Variants in DGKH observed in about 807,000 individuals in gnomAD.
DGKH encodes the protein diacylglycerol kinase eta.
Under a neutral mutation model 159.3 loss-of-function variants are expected in DGKH, and 90 were observed. That is an observed-to-expected ratio of 0.57 (90% CI 0.48 to 0.67). The LOEUF is 0.67. Among genes scored for constraint, DGKH ranks in the 30% least tolerant of loss-of-function variants. The pLI, the probability that DGKH is intolerant of heterozygous loss-of-function variation, is 0.00. For synonymous variants in DGKH, 536 were observed against 553.8 expected (o/e 0.97, Z 0.45); for missense variants, 1,181 against 1,506.1 (o/e 0.78, Z 3.57).
At chr13:42,222,556 C>A (rs1958006581) in intron 29 of DGKH, among the ~76,000 whole-genome samples, 1 of 152,082 alleles carries the variant, frequency 6.6e-6, no homozygotes, top group African/African-American at 2.4e-5. Context: ...GTTCATAAAG[C>A]AAAAGTTGGC....
Position 42,165,337 on chromosome 13 carries a change from A to G in DGKH, c.862A>G (p.Thr288Ala). The G allele has an allele frequency of 6.4e-7, 1 of 1,554,208 alleles. No homozygotes were observed. Among genetic ancestry groups the G allele is most frequent in the Non-Finnish European group, 8.7e-7 (1 of 1,151,872 alleles). ...TATATTTGTTTGTCATTAGGTACAC[A>G]CTGCCTGCAAAGATTTATACCATCC... ...KCLWCKTMVHTACKDLYHPIC... is the reference protein window; with the variant it reads ...KCLWCKTMVHAACKDLYHPIC... Residue 288 changes from threonine (T) to alanine (A), a missense_variant, in exon 8 of 30, where the codon ACT becomes GCT. Around this residue, in one of 5 missense-constraint regions of DGKH, gnomAD observed 369 missense variants for 519.4 expected, o/e 0.71. Coordinates refer to ENST00000337343, the MANE Select transcript of DGKH (RefSeq NM_178009.5).
chr13:42,235,014 T>C lies in DGKH; in HGVS notation c.*5826T>C, dbSNP rs573451175. 2.6e-5 allele frequency: 4 copies of C among 152,334 alleles called. No homozygotes were observed. In the East Asian group the frequency reaches 5.8e-4, roughly 22 times the overall value. The allele number at this position is 152,334 out of a possible 1,614,324, so 9.4% of individuals were successfully genotyped here. On this transcript the variant is annotated 3_prime_UTR_variant, in exon 30 of 30. Transcript: ENST00000337343. The stretch of plus-strand genomic sequence containing the variant: ...TCCAACTTTTGTTTGGAGACATTTA[T>C]GTTAGAAGAAAAACTATAAAGTTTT...
chr13:42,078,520 T>C (rs574310427), intron 1 of DGKH, among the ~76,000 whole-genome samples: 1 of 152,328 alleles, frequency 6.6e-6, no homozygotes, highest in Admixed American at 6.5e-5. Context: ...GTGCATCTGA[T>C]TGGCAGAACT....
intron 1 of DGKH, among the ~76,000 whole-genome samples, chr13:42,089,843 G>A (rs1409334144): frequency 6.6e-6 from 1 of 152,036 alleles, no homozygotes; most frequent in Non-Finnish European, 1.5e-5. Context: ...TTAGGACATG[G>A]TCTCTTTGTG....
At chr13:42,063,266 A>G (rs1444852330) in intron 1 of DGKH, among the ~76,000 whole-genome samples, 1 of 152,144 alleles carries the variant, frequency 6.6e-6, no homozygotes. Context: ...GTTTTGAGGA[A>G]GAGACACACC....
chr13:42,209,207 C>A, intron 22 of DGKH, 124 bp from the exon 23 acceptor site: 2 of 1,397,338 alleles, frequency 1.4e-6, no homozygotes, highest in South Asian at 1.4e-5. Context: ...TTTACCATGT[C>A]ATTTATAAGT....
intron 1 of DGKH, among the ~76,000 whole-genome samples, chr13:42,060,413 C>G (rs963386585): frequency 3.3e-5 from 5 of 152,180 alleles, no homozygotes; most frequent in African/African-American, 1.2e-4. Flanking sequence ...GCCTCTAGTT[C>G]CTTTGCCTAC....
At chr13:42,198,744 C>A in intron 18 of DGKH, 149 bp downstream of exon 18, 1 of 735,980 alleles carries the variant, frequency 1.4e-6, no homozygotes, top group Non-Finnish European at 2.2e-6. Flanking sequence ...TTGATAATGC[C>A]AAGCACATTG....
intron 18 of DGKH, 42 bp downstream of exon 18, chr13:42,198,637 T>TG: frequency 2.7e-6 from 4 of 1,464,318 alleles, no homozygotes; most frequent in Non-Finnish European, 3.7e-6. Context: ...GGGTTTTTCT[T>TG]GTTTTTTTTT....
At chr13:42,195,674 CT>C (rs1957188730) in intron 17 of DGKH, 1 of 152,218 alleles carries the variant, frequency 6.6e-6, no homozygotes. Context: ...AGTCAGCATT[CT>C]GCTGAATCCT....
intron 20 of DGKH, among the ~76,000 whole-genome samples, chr13:42,203,133 T>C (rs1304724402): frequency 6.6e-6 from 1 of 152,224 alleles, no homozygotes; most frequent in Non-Finnish European, 1.5e-5. Context: ...AATAGTAATT[T>C]CTGTATTTGT....
intron 20 of DGKH, among the ~76,000 whole-genome samples, chr13:42,200,441 A>C (rs906524054): frequency 6.6e-5 from 10 of 152,208 alleles, no homozygotes; most frequent in Non-Finnish European, 1.5e-4. Context: ...TATTTCTTCC[A>C]ACAACAGAAA....
chr13:42,213,061 G>T (rs1351008183), intron 24 of DGKH, among the ~76,000 whole-genome samples: 1 of 152,190 alleles, frequency 6.6e-6, no homozygotes, highest in Non-Finnish European at 1.5e-5. Flanking sequence ...TGTAGATGAA[G>T]AGGTGAGGAG....
At chr13:42,243,348 C>A (rs370086649), downstream of DGKH, among the ~76,000 whole-genome samples, 1 of 152,110 alleles carries the variant, frequency 6.6e-6, no homozygotes, top group Admixed American at 6.5e-5. Context: ...CTTCTTATTG[C>A]TGAGTAGTCT....
chr13:42,088,106 A>G (rs967865896), intron 1 of DGKH, among the ~76,000 whole-genome samples: 1 of 152,198 alleles, frequency 6.6e-6, no homozygotes, highest in Non-Finnish European at 1.5e-5. Flanking sequence ...ATAGAAGACA[A>G]TAGAGCGACA....
chr13:42,083,236 C>T (rs1299343906), intron 1 of DGKH, among the ~76,000 whole-genome samples: 2 of 151,990 alleles, frequency 1.3e-5, no homozygotes, highest in Non-Finnish European at 2.9e-5. Flanking sequence ...AACAAAAACA[C>T]AAAAAAAGAG....
chr13:42,040,368 C>T (rs1344506121), intron 1 of DGKH, among the ~76,000 whole-genome samples: 2 of 152,058 alleles, frequency 1.3e-5, no homozygotes, highest in South Asian at 2.1e-4. Context: ...GCGCCCGGCC[C>T]CGGGGGAGGC....
In DGKH at chr13:42,070,954, G is replaced by C. The variant is rs369095327; in HGVS notation, c.192+21989G>C. 52 of 1,303,154 alleles carry C rather than the reference G, an allele frequency of 4.0e-5. No individual in the cohort carries two copies. The East Asian group carries it at 1.2e-3, about 30-fold the overall frequency. 80.7% of individuals were successfully genotyped at this position (1,303,154 alleles called of 1,614,324 possible). ...ATTGGTAAGGACAATTTTCTTGATGGCTACTCTTTTGTCACAATCATTGTC... is the reference window on the plus strand; with the variant it reads ...ATTGGTAAGGACAATTTTCTTGATGCCTACTCTTTTGTCACAATCATTGTC... On this transcript the variant is annotated intron_variant, in intron 1 of 29. Transcript: ENST00000337343.
At chr13:42,125,525 T>C (rs1298210878) in intron 1 of DGKH, among the ~76,000 whole-genome samples, 4 of 152,206 alleles carry the variant, frequency 2.6e-5, no homozygotes, top group Non-Finnish European at 5.9e-5. Flanking sequence ...TATTGTATGC[T>C]GGAGCCTGGC....
Sources: allele counts gnomAD v4.1 joint callset (sites outside exome capture counted in the v4.1 genomes callset), GRCh38; gene constraint gnomAD v4.1.1; regional missense constraint gnomAD v4.1.1; transcripts MANE v1.5; gene names NCBI Gene and HGNC (gene_info 2026-07-23, HGNC 2026-07-21).